Variants in STUM observed in about 807,000 individuals in gnomAD.
STUM encodes the protein stum, mechanosensory transduction mediator homolog.
A neutral mutation model predicts 15.3 loss-of-function variants in STUM; 8 were observed. That is an observed-to-expected ratio of 0.52 (90% confidence interval 0.31 to 0.94). The LOEUF (loss-of-function observed/expected upper bound fraction) is 0.94, where lower values mean the gene tolerates loss of function less well. Ranked by LOEUF, STUM falls within the 40% of genes least tolerant of loss-of-function variation. The probability of loss-of-function intolerance (pLI) is 0.05; values close to 1 mark genes in which losing one functional copy is unlikely to be tolerated. For synonymous variants in STUM, 78 were observed against 88.7 expected (o/e 0.88, Z 0.68); for missense variants, 142 against 204.9 (o/e 0.69, Z 1.87).
At chr1:226,558,659 T>A (rs940347492) in intron 1 of STUM, among the ~76,000 whole-genome samples, 1 of 152,200 alleles carries the variant, frequency 6.6e-6, no homozygotes, top group Admixed American at 6.5e-5. Context: ...AACATCAAAG[T>A]GTGGACTGAA....
rs1667342054 is a variant in STUM, at chr1:226,549,794, C to T, written c.202+688C>T. ...ATAGCTCCCTCGGATCCCTTCTGTT[C>T]CTGAGAAGTAGAGAGTGCGCCGATG... is the stretch of plus-strand genomic sequence containing the variant. On this transcript the variant is annotated intron_variant, in intron 1 of 3. Coordinates refer to ENST00000366788, the MANE Select transcript of STUM (RefSeq NM_001003665.4). This position sits in a 1 kb window ranked among gnomAD's most constrained non-coding sequence, Gnocchi z 6.8. Among the ~76,000 whole-genome samples, 1 of 152,174 alleles carries T rather than the reference C, an allele frequency of 6.6e-6. No individual in the cohort carries two copies. Among genetic ancestry groups the T allele is most frequent in the South Asian group, 2.1e-4 (1 of 4,826 alleles).
Position 226,549,238 on chromosome 1 carries a change from C to G in STUM, c.202+132C>G. 1.4e-6 allele frequency: 1 copy of G among 733,448 alleles called. No individual in the cohort carries two copies. Among genetic ancestry groups the G allele is most frequent in the South Asian group, 2.0e-5 (1 of 49,292 alleles). The allele number at this position is 733,448 out of a possible 1,614,324, so 45.4% of individuals were successfully genotyped here. A position where few individuals can be genotyped will look rare whatever the true frequency, so the allele number is the denominator to read the frequency against. On this transcript the variant is annotated intron_variant, in intron 1 of 3. Coordinates refer to ENST00000366788, the MANE Select transcript of STUM (RefSeq NM_001003665.4). This position sits in a 1 kb window ranked among gnomAD's most constrained non-coding sequence, Gnocchi z 6.8. Reference sequence around the variant, plus strand: ...AGTGCTGCGACCACGCGCCACCGCCCGCTCCTGGCGTCCCCGGGCAGGTGG... The same window carrying G: ...AGTGCTGCGACCACGCGCCACCGCCGGCTCCTGGCGTCCCCGGGCAGGTGG...
rs3738720 is a variant in STUM, at chr1:226,608,836, T to C, written c.*6796T>C. On this transcript the variant is annotated 3_prime_UTR_variant, in exon 4 of 4. Transcript: ENST00000366788. The surrounding 1 kb of genome is among the most constrained non-coding windows in gnomAD (Gnocchi z 4.0). ...GGCCCCAGCCCGCCTGCAGCTCAGC[T>C]TTCCCCAACACCCTCAGGACCCAGC... The C allele has an allele frequency of 0.28, 43,267 of 152,122 alleles. 6,404 individuals carry two copies. Among genetic ancestry groups the C allele is most frequent in the African/African-American group, 0.36 (14,851 of 41,410 alleles). 9.4% of individuals were successfully genotyped at this position (152,122 alleles called of 1,614,324 possible). A position where few individuals can be genotyped will look rare whatever the true frequency, so the allele number is the denominator to read the frequency against.
intron 1 of STUM, among the ~76,000 whole-genome samples, chr1:226,586,474 A>G (rs1204442760): frequency 6.6e-6 from 1 of 152,182 alleles, no homozygotes; most frequent in Non-Finnish European, 1.5e-5. Flanking sequence ...AGGTCCGGGC[A>G]TTAGCCTGCA....
intron 1 of STUM, among the ~76,000 whole-genome samples, chr1:226,585,783 A>G (rs560581838): frequency 1.3e-5 from 2 of 152,342 alleles, no homozygotes; most frequent in Admixed American, 6.5e-5. Context: ...GGAAAAATGA[A>G]TGAATGAAAT....
Position 226,549,369 on chromosome 1 carries a change from C to T in STUM, c.202+263C>T, listed in dbSNP as rs1366629110. ...GGAAACTTTGCGGCCAATGTTGGAG[C>T]CCGCAGCGGCGGCCGGAATGGCTCT... On this transcript the variant is annotated intron_variant, in intron 1 of 3. Coordinates refer to ENST00000366788, the MANE Select transcript of STUM (RefSeq NM_001003665.4). This position sits in a 1 kb window ranked among gnomAD's most constrained non-coding sequence, Gnocchi z 6.8. 6.6e-6 allele frequency among the ~76,000 whole-genome samples: 1 copy of T among 152,162 alleles called. No individual in the cohort carries two copies. The highest frequency in any genetic ancestry group is 1.5e-5 in the Non-Finnish European group (1 of 68,012).
rs543696893 is a variant in STUM, at chr1:226,581,747, A to G, written c.203-15055A>G. 8.2e-4 allele frequency among the ~76,000 whole-genome samples: 125 copies of G among 152,230 alleles called. 1 individual carries two copies. The highest frequency in any genetic ancestry group is 2.9e-3 in the African/African-American group (121 of 41,520). Reference sequence around the variant, plus strand: ...CTGAGAAGAGTCAGTGGATGAGAAGATGGGCACATCAGGGAGGAGCCAGTG... The same window carrying G: ...CTGAGAAGAGTCAGTGGATGAGAAGGTGGGCACATCAGGGAGGAGCCAGTG... On this transcript the variant is annotated intron_variant, in intron 1 of 3. Transcript: ENST00000366788.
chr1:226,583,960 C>T (rs1421576871), intron 1 of STUM, among the ~76,000 whole-genome samples: 1 of 152,160 alleles, frequency 6.6e-6, no homozygotes, highest in Non-Finnish European at 1.5e-5. Flanking sequence ...CACTCTTGTT[C>T]CAACTATCTA....
At chr1:226,590,958 G>A (rs1269268138) in intron 1 of STUM, among the ~76,000 whole-genome samples, 1 of 152,188 alleles carries the variant, frequency 6.6e-6, no homozygotes, top group African/African-American at 2.4e-5. Context: ...GCTCCCGGGC[G>A]GGGGTGGCAA....
chr1:226,551,501 C>T (rs1357533415), intron 1 of STUM, among the ~76,000 whole-genome samples: 4 of 152,366 alleles, frequency 2.6e-5, no homozygotes, highest in Admixed American at 6.5e-5. Flanking sequence ...CCCCCTTCCC[C>T]AGGAGTGGTT....
At chr1:226,557,739 A>C (rs1337680981) in intron 1 of STUM, among the ~76,000 whole-genome samples, 1 of 152,246 alleles carries the variant, frequency 6.6e-6, no homozygotes, top group Non-Finnish European at 1.5e-5. Context: ...AAAAATCCTC[A>C]ACAAAATACT....
chr1:226,553,670 A>T (rs1448998745), intron 1 of STUM, among the ~76,000 whole-genome samples: 1 of 152,262 alleles, frequency 6.6e-6, no homozygotes, highest in East Asian at 1.9e-4. Flanking sequence ...GATTTTGAGC[A>T]TGTGGTGGAA....
Position 226,602,688 on chromosome 1 carries a change from G to A in STUM, c.*648G>A, listed in dbSNP as rs1479471357. On this transcript the variant is annotated 3_prime_UTR_variant, in exon 4 of 4. Transcript: ENST00000366788. ...CCGCCTCCTCGCAGCTGAAATCTGA[G>A]GGCTGGGTGTGTCGTGACCTGTGTT... 2 of 152,604 alleles carry A rather than the reference G, an allele frequency of 1.3e-5. No homozygotes were observed. Among genetic ancestry groups the A allele is most frequent in the Non-Finnish European group, 2.9e-5 (2 of 68,352 alleles). 9.5% of individuals were successfully genotyped at this position (152,604 alleles called of 1,614,324 possible).
At chr1:226,569,604 A>T (rs764462794) in intron 1 of STUM, among the ~76,000 whole-genome samples, 3 of 152,178 alleles carry the variant, frequency 2.0e-5, no homozygotes, top group Non-Finnish European at 4.4e-5. Flanking sequence ...ACCCTCAGAG[A>T]TTCTGACTCA....
chr1:226,582,423 T>A (rs978352306), intron 1 of STUM, among the ~76,000 whole-genome samples: 1 of 151,976 alleles, frequency 6.6e-6, no homozygotes, highest in Admixed American at 6.6e-5. Context: ...TAAGACCCCA[T>A]CTGTACTAAA....
At chr1:226,579,014 TG>T (rs1337364351) in intron 1 of STUM, among the ~76,000 whole-genome samples, 1 of 152,170 alleles carries the variant, frequency 6.6e-6, no homozygotes, top group Admixed American at 6.5e-5. Flanking sequence ...CCTTTTCCAG[TG>T]GGGCCCATAC....
At chr1:226,589,876 G>A (rs990089034) in intron 1 of STUM, among the ~76,000 whole-genome samples, 1 of 152,086 alleles carries the variant, frequency 6.6e-6, no homozygotes, top group Non-Finnish European at 1.5e-5. Context: ...TGATTTTCTC[G>A]TTCTGTATCT....
chr1:226,568,913 A>G (rs1667663616), intron 1 of STUM, among the ~76,000 whole-genome samples: 1 of 139,678 alleles, frequency 7.2e-6, no homozygotes, highest in South Asian at 2.4e-4. Flanking sequence ...CACACTGTTA[A>G]GAGGAGGTGG....
intron 1 of STUM, among the ~76,000 whole-genome samples, chr1:226,580,838 G>A (rs1190936932): frequency 6.6e-6 from 1 of 152,236 alleles, no homozygotes; most frequent in Non-Finnish European, 1.5e-5. Flanking sequence ...TCTGTAGTTA[G>A]AGTAGAGGCT....
Sources: allele counts gnomAD v4.1 joint callset (sites outside exome capture counted in the v4.1 genomes callset), GRCh38; gene constraint gnomAD v4.1.1; non-coding constraint Gnocchi (gnomAD v3.1); transcripts MANE v1.5; gene names NCBI Gene and HGNC (gene_info 2026-07-23, HGNC 2026-07-21).